IRF2: variants seen among roughly 807,000 people sequenced by gnomAD.
IRF2 encodes the protein interferon regulatory factor 2.
In IRF2, 15 loss-of-function variants were observed where a neutral mutation model predicts 40.6. The ratio of observed to expected loss-of-function variants is 0.37; its 90% CI spans 0.25 to 0.57. The LOEUF (loss-of-function observed/expected upper bound fraction) is 0.57, where lower values mean the gene tolerates loss of function less well. Ranked by LOEUF, IRF2 falls within the 20% of genes least tolerant of loss-of-function variation. The pLI, the probability that IRF2 is intolerant of heterozygous loss-of-function variation, is 0.77. For synonymous variants in IRF2, 151 were observed against 165.5 expected, an observed-to-expected ratio of 0.91 and a Z score of 0.67; for missense variants, 317 against 455.7, an observed-to-expected ratio of 0.70 and a Z score of 2.77.
At chr4:184,460,090 TC>T (rs541290722) in intron 1 of IRF2, among the ~76,000 whole-genome samples, 103 of 152,294 alleles carry the variant, frequency 6.8e-4, no homozygotes, top group Middle Eastern at 3.4e-3. Flanking sequence ...TTAATAAGAA[TC>T]CCAGTATCTA....
At position 184,418,492 on chromosome 4, in the gene IRF2, C is replaced by G. The variant is rs190988810; in HGVS notation, c.364+40G>C. The G allele has an allele frequency of 1.1e-5, 17 of 1,581,224 alleles. No homozygotes were observed. In the Admixed American group the frequency reaches 1.7e-4, roughly 16 times the overall value. ...AAGAGATCACGAAGGCACGATGACACAAATTGATTTACCTTATTTTAGTCT... is the reference window on the plus strand; with the variant it reads ...AAGAGATCACGAAGGCACGATGACAGAAATTGATTTACCTTATTTTAGTCT... On this transcript the variant is annotated intron_variant, in intron 4 of 8. Transcript: ENST00000393593.
chr4:184,458,519 A>G (rs1739024712), intron 1 of IRF2, among the ~76,000 whole-genome samples: 1 of 152,208 alleles, frequency 6.6e-6, no homozygotes, highest in South Asian at 2.1e-4. Context: ...TTTCATCATT[A>G]TCATGTTTGT....
At position 184,474,244 on chromosome 4, in the gene IRF2, C is replaced by T. The variant is rs1739642882; in HGVS notation, c.-7+135G>A. The T allele has an allele frequency of 6.6e-6, 1 of 152,248 alleles. No homozygotes were observed. The highest frequency in any genetic ancestry group is 2.4e-5 in the African/African-American group (1 of 41,406). The allele number at this position is 152,248 out of a possible 1,614,324, so 9.4% of individuals were successfully genotyped here. On this transcript the variant is annotated intron_variant, in intron 1 of 8. Coordinates refer to ENST00000393593, the MANE Select transcript of IRF2 (RefSeq NM_002199.4). This position sits in a 1 kb window ranked among gnomAD's most constrained non-coding sequence, Gnocchi z 5.6. ...AAAAATCAGTATTAATATTTATGAA[C>T]CCCGGCATTTTCCGTCTGCAAAACA...
chr4:184,436,275 A>G, intron 1 of IRF2, among the ~76,000 whole-genome samples: 1 of 152,130 alleles, frequency 6.6e-6, no homozygotes. Flanking sequence ...GCGCCCGGCC[A>G]TGGAACGCCT....
chr4:184,408,731 C>T lies in IRF2; in HGVS notation c.412-456G>A, dbSNP rs1489845660. ...GGAAAAGCTCTGCCTCAGTGACTGGCCCAAGAACAGGAGCCCAGAGGACAT... is the reference window on the plus strand; with the variant it reads ...GGAAAAGCTCTGCCTCAGTGACTGGTCCAAGAACAGGAGCCCAGAGGACAT... On this transcript the variant is annotated intron_variant, in intron 5 of 8. Transcript: ENST00000393593. The surrounding 1 kb of genome is among the most constrained non-coding windows in gnomAD (Gnocchi z 4.9). 3.3e-5 allele frequency among the ~76,000 whole-genome samples: 5 copies of T among 152,194 alleles called. No homozygotes were observed. The highest frequency in any genetic ancestry group is 5.9e-5 in the Non-Finnish European group (4 of 68,044).
chr4:184,454,405 A>G (rs902550335), intron 1 of IRF2, among the ~76,000 whole-genome samples: 3 of 152,208 alleles, frequency 2.0e-5, no homozygotes, highest in African/African-American at 7.2e-5. Flanking sequence ...TATTCCTGGG[A>G]TAAACCATCC....
intron 8 of IRF2, among the ~76,000 whole-genome samples, 194 bp downstream of exon 8, chr4:184,390,509 C>G (rs1736218535): frequency 6.6e-6 from 1 of 152,212 alleles, no homozygotes; most frequent in Non-Finnish European, 1.5e-5. Flanking sequence ...CCTTTCAGTT[C>G]CAACGCCGAA....
At chr4:184,428,843 T>C (rs566550215) in intron 2 of IRF2, 135 bp downstream of exon 2, 1 of 756,738 alleles carries the variant, frequency 1.3e-6, no homozygotes, top group Non-Finnish European at 2.4e-6. Context: ...TGTTTTATGA[T>C]CATTTTGGGT....
At chr4:184,428,865 T>A (rs1737766408) in intron 2 of IRF2, 113 bp downstream of exon 2, 2 of 872,066 alleles carry the variant, frequency 2.3e-6, no homozygotes, top group Admixed American at 1.8e-5. Flanking sequence ...GGCTGGTTTT[T>A]GTCATGAATA....
chr4:184,468,654 A>G (rs998150465), intron 1 of IRF2, among the ~76,000 whole-genome samples: 1 of 152,144 alleles, frequency 6.6e-6, no homozygotes, highest in Non-Finnish European at 1.5e-5. Context: ...CAAGGAAAAG[A>G]TCAACTATTT....
At chr4:184,409,481 G>A (rs1488620008) in intron 5 of IRF2, among the ~76,000 whole-genome samples, 2 of 152,196 alleles carry the variant, frequency 1.3e-5, no homozygotes, top group East Asian at 3.8e-4. Flanking sequence ...TTTACCAGAT[G>A]TCCCGAAGGT....
intron 1 of IRF2, among the ~76,000 whole-genome samples, chr4:184,453,863 A>G (rs1232923309): frequency 6.6e-6 from 1 of 152,212 alleles, no homozygotes; most frequent in Non-Finnish European, 1.5e-5. Context: ...CCCCTTCAGG[A>G]ACACAGAAAA....
intron 1 of IRF2, chr4:184,473,841 A>C (rs1264531516): frequency 6.6e-6 from 1 of 151,982 alleles, no homozygotes; most frequent in Non-Finnish European, 1.5e-5. Flanking sequence ...CGCCGCGGGC[A>C]CCGAGAAGGA....
At chr4:184,432,210 C>T (rs1165676400) in intron 1 of IRF2, among the ~76,000 whole-genome samples, 1 of 152,192 alleles carries the variant, frequency 6.6e-6, no homozygotes, top group Non-Finnish European at 1.5e-5. Flanking sequence ...ATCCACAACC[C>T]CCAAATCAAT....
At chr4:184,424,376 A>G (rs1261787819) in intron 2 of IRF2, among the ~76,000 whole-genome samples, 4 of 152,168 alleles carry the variant, frequency 2.6e-5, no homozygotes, top group Non-Finnish European at 4.4e-5. Flanking sequence ...TGACACTTAT[A>G]TTGACATTTA....
chr4:184,395,852 G>A (rs1000061676), intron 7 of IRF2, among the ~76,000 whole-genome samples: 2 of 152,258 alleles, frequency 1.3e-5, no homozygotes, highest in Non-Finnish European at 2.9e-5. Flanking sequence ...ATGTCCTGAA[G>A]AGAGTAATGA....
chr4:184,411,310 C>G (rs193126218), intron 5 of IRF2, among the ~76,000 whole-genome samples: 9 of 152,126 alleles, frequency 5.9e-5, no homozygotes, highest in Non-Finnish European at 1.0e-4. Flanking sequence ...CTGCCCACCT[C>G]GGCCTCCCAA....
intron 1 of IRF2, among the ~76,000 whole-genome samples, chr4:184,456,570 C>T (rs1738942200): frequency 6.6e-6 from 1 of 152,242 alleles, no homozygotes; most frequent in Non-Finnish European, 1.5e-5. Flanking sequence ...GCCGACTGAG[C>T]GGAGGAAACC....
chr4:184,428,190 A>C (rs1737740415), intron 2 of IRF2, among the ~76,000 whole-genome samples: 1 of 152,228 alleles, frequency 6.6e-6, no homozygotes, highest in Non-Finnish European at 1.5e-5. Context: ...AGGTGGACAC[A>C]CAGATAGGGC....
Sources: allele counts gnomAD v4.1 joint callset (sites outside exome capture counted in the v4.1 genomes callset), GRCh38; gene constraint gnomAD v4.1.1; non-coding constraint Gnocchi (gnomAD v3.1); transcripts MANE v1.5; gene names NCBI Gene and HGNC (gene_info 2026-07-23, HGNC 2026-07-21).